Variants in GM2A observed in about 807,000 individuals in gnomAD.
The protein encoded by GM2A is ganglioside GM2 activator.
A neutral mutation model predicts 12.9 loss-of-function variants in GM2A; 7 were observed. The observed-to-expected ratio is 0.54, with a 90% CI of 0.31 to 1.02. The LOEUF is 1.02. GM2A is among the 50% of genes least tolerant of loss of function. GM2A has a pLI of 0.05. For synonymous variants in GM2A, 101 were observed against 96.0 expected (o/e 1.05, Z -0.30); for missense variants, 246 against 241.0 (o/e 1.02, Z -0.14).
At position 151,267,906 on chromosome 5, in the gene GM2A, G is replaced by T; in HGVS notation, c.*455G>T. The T allele has an allele frequency of 8.7e-7, 1 of 1,146,658 alleles. No individual in the cohort carries two copies. Among genetic ancestry groups the T allele is most frequent in the Non-Finnish European group, 1.1e-6 (1 of 922,782 alleles). The allele number at this position is 1,146,658 out of a possible 1,614,324, so 71.0% of individuals were successfully genotyped here. A position where few individuals can be genotyped will look rare whatever the true frequency, so the allele number is the denominator to read the frequency against. On this transcript the variant is annotated 3_prime_UTR_variant, in exon 4 of 4. Transcript: ENST00000357164. Reference sequence around the variant, plus strand: ...CCCCTGTTACAATGAAGGGGCAAAAGTATTTGCTCTTAGTCTATTCCTCCC... The same window carrying T: ...CCCCTGTTACAATGAAGGGGCAAAATTATTTGCTCTTAGTCTATTCCTCCC...
intron 1 of GM2A, among the ~76,000 whole-genome samples, chr5:151,255,339 G>C (rs908825691): frequency 6.6e-6 from 1 of 152,142 alleles, no homozygotes; most frequent in Non-Finnish European, 1.5e-5. Flanking sequence ...CGATTCCATT[G>C]CCTCTTGGCT....
chr5:151,267,164 C>A, intron 3 of GM2A, 132 bp from the exon 4 acceptor site: 1 of 1,185,408 alleles, frequency 8.4e-7, no homozygotes, highest in Non-Finnish European at 1.2e-6. Flanking sequence ...ATGGCCGTCT[C>A]TCATCTTGTG....
chr5:151,258,638 C>A (rs1029530625), intron 1 of GM2A, among the ~76,000 whole-genome samples: 6 of 152,158 alleles, frequency 3.9e-5, no homozygotes, highest in East Asian at 1.9e-4. Flanking sequence ...GATGGTCTGG[C>A]CTCAACCCAA....
intron 2 of GM2A, among the ~76,000 whole-genome samples, chr5:151,260,928 T>A (rs543949441): frequency 6.6e-6 from 1 of 152,340 alleles, no homozygotes; most frequent in Admixed American, 6.5e-5. Context: ...TTATACTTGC[T>A]ATTTTTTTTG....
At position 151,267,931 on chromosome 5, in the gene GM2A, C is replaced by T; in HGVS notation, c.*480C>T. ...GTATTTGCTCTTAGTCTATTCCTCC[C>T]TTAACTTCTGTGACTAATTTTTATT... is the stretch of plus-strand genomic sequence containing the variant. On this transcript the variant is annotated 3_prime_UTR_variant, in exon 4 of 4. Coordinates refer to ENST00000357164, the MANE Select transcript of GM2A (RefSeq NM_000405.5). The T allele has an allele frequency of 1.8e-6, 2 of 1,123,960 alleles. No individual in the cohort carries two copies. Among genetic ancestry groups the T allele is most frequent in the Non-Finnish European group, 2.2e-6 (2 of 911,470 alleles). 69.6% of individuals were successfully genotyped at this position (1,123,960 alleles called of 1,614,324 possible).
rs957215132 is a variant in GM2A at position 151,268,388 on chromosome 5, C to T, written c.*937C>T. 6.3e-5 allele frequency: 49 copies of T among 772,588 alleles called. No homozygotes were observed. The highest frequency in any genetic ancestry group is 7.1e-5 in the Non-Finnish European group (45 of 635,852). 47.9% of individuals were successfully genotyped at this position (772,588 alleles called of 1,614,324 possible). On this transcript the variant is annotated 3_prime_UTR_variant, in exon 4 of 4. Coordinates refer to ENST00000357164, the MANE Select transcript of GM2A (RefSeq NM_000405.5). Reference sequence around the variant, plus strand: ...CAGGATGGTCTCGATCTCTTGACCTCGTGATCTGTCCACCTTGGCCTTGCA... The same window carrying T: ...CAGGATGGTCTCGATCTCTTGACCTTGTGATCTGTCCACCTTGGCCTTGCA...
intron 1 of GM2A, among the ~76,000 whole-genome samples, chr5:151,257,394 A>G (rs1753710262): frequency 6.6e-6 from 1 of 152,092 alleles, no homozygotes; most frequent in South Asian, 2.1e-4. Context: ...CTTCTCCGGT[A>G]GGTACTCTGG....
chr5:151,266,154 C>G (rs1033466385), intron 2 of GM2A, among the ~76,000 whole-genome samples: 4 of 152,134 alleles, frequency 2.6e-5, no homozygotes, highest in Admixed American at 1.3e-4. Context: ...AGTGTTAGAG[C>G]CAATCAATGG....
At chr5:151,259,662 C>A in intron 1 of GM2A, 93 bp from the exon 2 acceptor site, 1 of 1,222,306 alleles carries the variant, frequency 8.2e-7, no homozygotes, top group Non-Finnish European at 1.2e-6. Flanking sequence ...CCCAAGGTCA[C>A]TCTGCCAGGA....
At chr5:151,258,320 C>T (rs889195160) in intron 1 of GM2A, among the ~76,000 whole-genome samples, 6 of 152,200 alleles carry the variant, frequency 3.9e-5, no homozygotes, top group African/African-American at 9.7e-5. Context: ...TACACGCTCT[C>T]GCCCTTGCAA....
chr5:151,266,899 T>C lies in GM2A; in HGVS notation c.412T>C (p.Cys138Arg), dbSNP rs137852797. ...PLRTYGLPCH[C>R]PFKEGTYSLP... ...GCGTACCTATGGGCTTCCTTGCCAC[T>C]GTCCCTTCAAAGAAGTAAGTACTTA... The change falls in exon 3 of 4, where the codon TGT (cysteine) becomes CGT (arginine). Residue 138 changes from cysteine to arginine, a missense_variant. Coordinates refer to ENST00000357164, the MANE Select transcript of GM2A (RefSeq NM_000405.5). The C allele has an allele frequency of 4.3e-6, 7 of 1,613,242 alleles. No homozygotes were observed. Among genetic ancestry groups the C allele is most frequent in the Non-Finnish European group, 5.9e-6 (7 of 1,179,340 alleles).
At chr5:151,263,256 G>A (rs1753830661) in intron 2 of GM2A, among the ~76,000 whole-genome samples, 2 of 151,800 alleles carry the variant, frequency 1.3e-5, no homozygotes, top group South Asian at 2.1e-4. Context: ...TTTTAGTAGA[G>A]ATGGGGTTTT....
intron 2 of GM2A, among the ~76,000 whole-genome samples, chr5:151,263,858 C>T (rs1410687884): frequency 6.6e-6 from 1 of 152,140 alleles, no homozygotes. Context: ...TCTGATCTTG[C>T]TGTAGTGAAA....
intron 1 of GM2A, among the ~76,000 whole-genome samples, chr5:151,256,438 A>T (rs1266847871): frequency 6.6e-6 from 1 of 151,892 alleles, no homozygotes; most frequent in Non-Finnish European, 1.5e-5. Flanking sequence ...AACCCTGTCC[A>T]TACTAAAAAT....
At chr5:151,259,727 T>C in intron 1 of GM2A, 28 bp from the exon 2 acceptor site, 1 of 1,609,452 alleles carries the variant, frequency 6.2e-7, no homozygotes, top group Non-Finnish European at 8.5e-7. Flanking sequence ...TTTCTTCTTC[T>C]CCTTCCTTGC....
chr5:151,269,617 T>A lies in GM2A; in HGVS notation c.*2166T>A. On this transcript the variant is annotated 3_prime_UTR_variant, in exon 4 of 4. Coordinates refer to ENST00000357164, the MANE Select transcript of GM2A (RefSeq NM_000405.5). ...CGCCTTATTTGGGGAAAATTAAAAG[T>A]AATTAGACTTTCCTATTATCTAAAG... 1 of 201,894 alleles carries A rather than the reference T, an allele frequency of 5.0e-6. No individual in the cohort carries two copies. Among genetic ancestry groups the A allele is most frequent in the Non-Finnish European group, 8.8e-6 (1 of 113,366 alleles). The allele number at this position is 201,894 out of a possible 1,614,324, so 12.5% of individuals were successfully genotyped here.
At chr5:151,255,070 G>A (rs927609970) in intron 1 of GM2A, among the ~76,000 whole-genome samples, 6 of 152,200 alleles carry the variant, frequency 3.9e-5, no homozygotes, top group Non-Finnish European at 8.8e-5. Flanking sequence ...GGGAGGCTGA[G>A]GTGGACAGAT....
At position 151,269,401 on chromosome 5, in the gene GM2A, G is replaced by T. The variant is rs763507795; in HGVS notation, c.*1950G>T. On this transcript the variant is annotated 3_prime_UTR_variant, in exon 4 of 4. Transcript: ENST00000357164. ...GACCCTTCTGCAGGAGCTTGAGCTT[G>T]CTTGTTGTCTCTGCTTCATCGCCAT... 3 of 985,406 alleles carry T rather than the reference G, an allele frequency of 3.0e-6. No individual in the cohort carries two copies. Among genetic ancestry groups the T allele is most frequent in the Non-Finnish European group, 3.6e-6 (3 of 829,960 alleles). The allele number at this position is 985,406 out of a possible 1,614,324, so 61.0% of individuals were successfully genotyped here.
rs1247196753 is a variant in GM2A at position 151,269,006 on chromosome 5, A to AG, written c.*1557dup. On this transcript the variant is annotated 3_prime_UTR_variant, in exon 4 of 4. Coordinates refer to ENST00000357164, the MANE Select transcript of GM2A (RefSeq NM_000405.5). ...TCACCTGTGAGCTGTGGGGATCACAAGGCTGCCTGCCTCAGTCTTGGAGTC... is the reference window on the plus strand; with the variant it reads ...TCACCTGTGAGCTGTGGGGATCACAAGGGCTGCCTGCCTCAGTCTTGGAGTC... 15 of 985,392 alleles carry AG rather than the reference A, an allele frequency of 1.5e-5. No homozygotes were observed. Among genetic ancestry groups the AG allele is most frequent in the Non-Finnish European group, 1.8e-5 (15 of 829,978 alleles). 61.0% of individuals were successfully genotyped at this position (985,392 alleles called of 1,614,324 possible). A position where few individuals can be genotyped will look rare whatever the true frequency, so the allele number is the denominator to read the frequency against.
Sources: allele counts gnomAD v4.1 joint callset (sites outside exome capture counted in the v4.1 genomes callset), GRCh38; gene constraint gnomAD v4.1.1; transcripts MANE v1.5; gene names NCBI Gene and HGNC (gene_info 2026-07-23, HGNC 2026-07-21).